Variants in KANSL1L observed in about 807,000 individuals in gnomAD.
KANSL1L encodes KAT8 regulatory NSL complex subunit 1-like protein.
In KANSL1L, 25 loss-of-function variants were observed where a neutral mutation model predicts 108.6. The ratio of observed to expected loss-of-function variants is 0.23; its 90% CI spans 0.17 to 0.32. The LOEUF (loss-of-function observed/expected upper bound fraction) is 0.32. Ranked by LOEUF, KANSL1L falls within the 10% of genes least tolerant of loss-of-function variation. KANSL1L has a pLI of 1.00. For missense variants in KANSL1L, 1,137 were observed against 1,125.7 expected, an observed-to-expected ratio of 1.01 and a Z score of -0.14; for synonymous variants, 405 against 395.1, an observed-to-expected ratio of 1.03 and a Z score of -0.30.
chr2:210,135,449 C>T (rs1318564467), intron 2 of KANSL1L, among the ~76,000 whole-genome samples: 1 of 152,138 alleles, frequency 6.6e-6, no homozygotes, highest in Non-Finnish European at 1.5e-5. Flanking sequence ...AGCAGCTCAG[C>T]TTAGAGACCT....
intron 5 of KANSL1L, chr2:210,080,467 G>A (rs1328572516): frequency 6.6e-6 from 1 of 152,158 alleles, no homozygotes; most frequent in Non-Finnish European, 1.5e-5. Context: ...GAGGCAGGAG[G>A]ATCTCTTGAG....
At chr2:210,157,102 T>TA in intron 1 of KANSL1L, among the ~76,000 whole-genome samples, 1 of 152,328 alleles carries the variant, frequency 6.6e-6, no homozygotes, top group East Asian at 1.9e-4. Context: ...TTCAAGTTGT[T>TA]ACTTGACCAA....
intron 1 of KANSL1L, among the ~76,000 whole-genome samples, chr2:210,169,576 T>C (rs1300119715): frequency 2.0e-4 from 31 of 152,212 alleles, no homozygotes; most frequent in Admixed American, 2.0e-3. Flanking sequence ...AGGCGCATCA[T>C]GAAACAAAAT....
chr2:210,165,195 C>CA (rs1687868221), intron 1 of KANSL1L, among the ~76,000 whole-genome samples: 1 of 149,214 alleles, frequency 6.7e-6, no homozygotes, highest in African/African-American at 2.5e-5. Context: ...AACCAAAAAA[C>CA]AAAAAACAAA....
chr2:210,113,401 C>T (rs1187642750), intron 3 of KANSL1L, among the ~76,000 whole-genome samples: 1 of 151,758 alleles, frequency 6.6e-6, no homozygotes, highest in Non-Finnish European at 1.5e-5. Flanking sequence ...ACACCGACAA[C>T]CTACAACAAT....
chr2:210,091,417 A>G (rs1270860866), intron 5 of KANSL1L, among the ~76,000 whole-genome samples: 3 of 152,182 alleles, frequency 2.0e-5, no homozygotes, highest in Admixed American at 6.5e-5. Context: ...ATACATATGC[A>G]TAAGTACTTA....
chr2:210,154,645 T>G, intron 1 of KANSL1L, 34 bp from the exon 2 acceptor site: 1 of 1,320,548 alleles, frequency 7.6e-7, no homozygotes. Flanking sequence ...GTCAAATATC[T>G]AGAAAAAAAT....
intron 6 of KANSL1L, among the ~76,000 whole-genome samples, chr2:210,058,978 G>A (rs1400315160): frequency 6.6e-6 from 1 of 151,812 alleles, no homozygotes; most frequent in Non-Finnish European, 1.5e-5. Context: ...CAGACCGGCT[G>A]ACACTTAGGG....
chr2:210,060,705 G>A (rs531995145), intron 6 of KANSL1L, among the ~76,000 whole-genome samples: 24 of 152,220 alleles, frequency 1.6e-4, no homozygotes, highest in South Asian at 6.2e-4. Context: ...TATTTGTATG[G>A]AAATAAGAAG....
At chr2:210,069,305 T>A (rs556744679) in intron 6 of KANSL1L, among the ~76,000 whole-genome samples, 1 of 152,302 alleles carries the variant, frequency 6.6e-6, no homozygotes, top group South Asian at 2.1e-4. Flanking sequence ...TTCTAGCAAA[T>A]TCTGTTCATG....
In KANSL1L at chr2:210,075,596, G is replaced by A. The variant is rs759690678; in HGVS notation, c.1711C>T (p.Arg571Ter). 7.4e-6 allele frequency: 12 copies of A among 1,613,934 alleles called. No individual in the cohort carries two copies. The highest frequency in any genetic ancestry group is 2.7e-5 in the African/African-American group (2 of 74,908). ...GTAGGGCTCAATCTGTACAGTTTTC[G>A]TTTGTGGAAACTCTGAAGTGGCCTT... ...RTRPLQSFHK[R>*]KLYRLSPTFY... Residue 571 changes from arginine (R) to a stop codon, truncating the protein, a stop_gained, in exon 6 of 15, where the codon CGA becomes TGA. Coordinates refer to ENST00000281772, the MANE Select transcript of KANSL1L (RefSeq NM_152519.4). LOFTEE classifies it high-confidence loss of function.
intron 3 of KANSL1L, among the ~76,000 whole-genome samples, chr2:210,113,378 G>A (rs2125471739): frequency 6.6e-6 from 1 of 151,954 alleles, no homozygotes; most frequent in African/African-American, 2.4e-5. Context: ...TACACTTCAG[G>A]CTTATTCTTG....
intron 3 of KANSL1L, among the ~76,000 whole-genome samples, chr2:210,113,702 T>C (rs1461709679): frequency 1.3e-5 from 2 of 152,082 alleles, no homozygotes; most frequent in African/African-American, 2.4e-5. Flanking sequence ...AAAGATGTTA[T>C]GAACAAAATG....
At position 210,168,574 on chromosome 2, in the gene KANSL1L, T is replaced by C. The variant is rs139043732; in HGVS notation, c.-30+2575A>G. Among the ~76,000 whole-genome samples the C allele has an allele frequency of 1.6e-4, 24 of 152,160 alleles. No individual in the cohort carries two copies. In the East Asian group the frequency reaches 4.4e-3, roughly 28 times the overall value. On this transcript the variant is annotated intron_variant, in intron 1 of 14. Transcript: ENST00000281772. The stretch of plus-strand genomic sequence containing the variant: ...CAGTGAAACCTTTACGTTAATTTCA[T>C]AGAAGACAGATGAATGAGTAAAGGA...
At chr2:210,048,571 GTA>G (rs1269303419) in intron 6 of KANSL1L, among the ~76,000 whole-genome samples, 12 of 151,362 alleles carry the variant, frequency 7.9e-5, no homozygotes, top group Admixed American at 7.3e-4. Flanking sequence ...ATATATGTGT[GTA>G]TATATATATA....
chr2:210,151,671 T>C (rs965899961), intron 2 of KANSL1L: 9 of 152,148 alleles, frequency 5.9e-5, no homozygotes, highest in Admixed American at 4.6e-4. Context: ...TCTTCTTAAG[T>C]GAAATAAGGA....
intron 2 of KANSL1L, among the ~76,000 whole-genome samples, chr2:210,141,016 C>G (rs2095222924): frequency 6.6e-6 from 1 of 152,008 alleles, no homozygotes; most frequent in South Asian, 2.1e-4. Context: ...TTGATGGGGT[C>G]TTTACACTTT....
At chr2:210,103,089 T>C (rs2125427984) in intron 4 of KANSL1L, among the ~76,000 whole-genome samples, 1 of 152,262 alleles carries the variant, frequency 6.6e-6, no homozygotes, top group Non-Finnish European at 1.5e-5. Flanking sequence ...AATGATAGAC[T>C]GGATTAAGAA....
At chr2:210,132,639 A>G (rs1247005007) in intron 2 of KANSL1L, among the ~76,000 whole-genome samples, 2 of 152,244 alleles carry the variant, frequency 1.3e-5, no homozygotes, top group East Asian at 3.8e-4. Flanking sequence ...TCAACATCAC[A>G]AACTTACATC....
Sources: gnomAD v4.1 joint callset for allele counts (sites outside exome capture counted in the v4.1 genomes callset) on GRCh38, gnomAD v4.1.1 for gene constraint, MANE v1.5 for transcripts, NCBI Gene and HGNC (gene_info 2026-07-23, HGNC 2026-07-21) for gene names.